ROBO1: variants seen among roughly 807,000 people sequenced by gnomAD.
ROBO1 encodes the protein roundabout homolog 1.
Under a neutral mutation model 195.9 loss-of-function variants are expected in ROBO1, and 149 were observed. The ratio of observed to expected loss-of-function variants is 0.76; its 90% confidence interval spans 0.67 to 0.87. The LOEUF (loss-of-function observed/expected upper bound fraction) is 0.87. ROBO1 is among the 40% of genes least tolerant of loss of function. The probability of loss-of-function intolerance (pLI) is 0.00; values close to 1 mark genes in which losing one functional copy is unlikely to be tolerated. For missense variants in ROBO1, 1,933 were observed against 2,068.3 expected (o/e 0.93, Z 1.27); for synonymous variants, 816 against 733.2 (o/e 1.11, Z -1.82).
At chr3:79,493,062 G>C (rs1342991822) in intron 2 of ROBO1, among the ~76,000 whole-genome samples, 1 of 151,632 alleles carries the variant, frequency 6.6e-6, no homozygotes, top group Non-Finnish European at 1.5e-5. Flanking sequence ...AAAATATATT[G>C]GAAAACAAAA....
At chr3:79,431,608 T>G (rs2107034419) in intron 2 of ROBO1, among the ~76,000 whole-genome samples, 1 of 152,276 alleles carries the variant, frequency 6.6e-6, no homozygotes, top group South Asian at 2.1e-4. Context: ...ACAAATCATT[T>G]ACTAGGCAAT....
At chr3:78,897,466 C>T (rs999768413) in intron 4 of ROBO1, among the ~76,000 whole-genome samples, 2 of 152,058 alleles carry the variant, frequency 1.3e-5, no homozygotes, top group Non-Finnish European at 2.9e-5. Flanking sequence ...CTTTGTCATT[C>T]GGTAGATATG....
intron 4 of ROBO1, among the ~76,000 whole-genome samples, chr3:78,829,739 A>G (rs941603903): frequency 4.6e-5 from 7 of 152,212 alleles, no homozygotes; most frequent in African/African-American, 1.7e-4. Flanking sequence ...AAAGCGTTGT[A>G]GATAAGAGTT....
At chr3:78,643,367 A>G (rs9309809) in intron 21 of ROBO1, among the ~76,000 whole-genome samples, 4,566 of 152,270 alleles carry the variant, frequency 0.03, 239 homozygotes, top group African/African-American at 0.1. Context: ...GACATAAACA[A>G]AAGATAACCG....
At position 79,169,353 on chromosome 3, in the gene ROBO1, G is replaced by A. The variant is rs561676597; in HGVS notation, c.89-43814C>T. Among the ~76,000 whole-genome samples, 6 of 152,076 alleles carry A rather than the reference G, an allele frequency of 3.9e-5. No individual in the cohort carries two copies. The South Asian group carries it at 1.0e-3, about 26-fold the overall frequency. On this transcript the variant is annotated intron_variant, in intron 2 of 30. Coordinates refer to ENST00000464233, the MANE Select transcript of ROBO1 (RefSeq NM_002941.4). ...TTGTCGTTTTTTTCTTTTGCTTGCC[G>A]CACAGGCATATCATAGCCAATAAAT... is the stretch of plus-strand genomic sequence containing the variant.
intron 2 of ROBO1, among the ~76,000 whole-genome samples, chr3:79,377,926 A>G (rs1174806231): frequency 6.6e-6 from 1 of 152,200 alleles, no homozygotes; most frequent in Non-Finnish European, 1.5e-5. Context: ...AATTAAGCAG[A>G]TGAGCAGACT....
chr3:79,198,610 T>C (rs193041794), intron 2 of ROBO1, among the ~76,000 whole-genome samples: 1 of 152,200 alleles, frequency 6.6e-6, no homozygotes, highest in Admixed American at 6.5e-5. Flanking sequence ...TAGCATTGAA[T>C]CTATAAATTA....
intron 3 of ROBO1, among the ~76,000 whole-genome samples, chr3:78,964,756 A>G (rs2041585673): frequency 6.6e-6 from 1 of 152,008 alleles, no homozygotes; most frequent in African/African-American, 2.4e-5. Context: ...ACTTAGTCCA[A>G]TGGCTCAGAG....
At chr3:78,910,198 TTA>T (rs2038162724) in intron 4 of ROBO1, among the ~76,000 whole-genome samples, 1 of 151,504 alleles carries the variant, frequency 6.6e-6, no homozygotes, top group Admixed American at 6.6e-5. Context: ...ATACTTAGCA[TTA>T]TATGTTTCTT....
chr3:79,373,536 C>T (rs1277446236), intron 2 of ROBO1, among the ~76,000 whole-genome samples: 2 of 152,150 alleles, frequency 1.3e-5, no homozygotes, highest in Non-Finnish European at 2.9e-5. Context: ...TCCTCAGATA[C>T]ACACAGAAAA....
At position 79,056,149 on chromosome 3, in the gene ROBO1, A is replaced by G. The variant is rs147426014; in HGVS notation, c.172+69307T>C. Among the ~76,000 whole-genome samples, 97 of 152,198 alleles carry G rather than the reference A, an allele frequency of 6.4e-4. No individual in the cohort carries two copies. The East Asian group carries it at 9.1e-3, about 14-fold the overall frequency. On this transcript the variant is annotated intron_variant, in intron 3 of 30. Coordinates refer to ENST00000464233, the MANE Select transcript of ROBO1 (RefSeq NM_002941.4). ...GATTGTTTTTTTCATCTTGCTCTAC[A>G]TAAATCGGACTGTGAAAAATCTGTT...
intron 4 of ROBO1, among the ~76,000 whole-genome samples, chr3:78,750,076 G>T (rs1398429688): frequency 6.6e-6 from 1 of 152,028 alleles, no homozygotes; most frequent in Non-Finnish European, 1.5e-5. Flanking sequence ...TAACTCAACA[G>T]CATTTCATTT....
At chr3:78,933,484 T>C (rs944881811) in intron 4 of ROBO1, among the ~76,000 whole-genome samples, 9 of 152,120 alleles carry the variant, frequency 5.9e-5, no homozygotes, top group African/African-American at 2.2e-4. Context: ...AATGTGCCTA[T>C]ACCTCACTTA....
intron 4 of ROBO1, among the ~76,000 whole-genome samples, chr3:78,853,350 G>A (rs756178286): frequency 6.6e-6 from 1 of 150,662 alleles, no homozygotes; most frequent in Non-Finnish European, 1.5e-5. Flanking sequence ...GAGAAAATAT[G>A]TAATTTTTGT....
At chr3:78,723,911 T>G (rs1029199413) in intron 5 of ROBO1, among the ~76,000 whole-genome samples, 1 of 152,186 alleles carries the variant, frequency 6.6e-6, no homozygotes, top group African/African-American at 2.4e-5. Context: ...CCCAGATTCG[T>G]ATACTCTCCC....
intron 10 of ROBO1, among the ~76,000 whole-genome samples, chr3:78,676,551 G>A (rs567919646): frequency 4.9e-4 from 74 of 152,282 alleles, no homozygotes; most frequent in African/African-American, 1.5e-3. Flanking sequence ...GAGCCGATGC[G>A]ATCAACTGGA....
chr3:78,683,590 G>A (rs1256573151), intron 10 of ROBO1, among the ~76,000 whole-genome samples: 1 of 151,930 alleles, frequency 6.6e-6, no homozygotes, highest in African/African-American at 2.4e-5. Flanking sequence ...ATTTTGGGTG[G>A]CATAAAATAG....
intron 2 of ROBO1, among the ~76,000 whole-genome samples, chr3:79,340,726 G>A (rs939646642): frequency 6.6e-6 from 1 of 152,100 alleles, no homozygotes; most frequent in South Asian, 2.1e-4. Flanking sequence ...TTTTAAAAAA[G>A]CCAGCTCTTA....
At chr3:79,115,058 A>C (rs762494019) in intron 3 of ROBO1, among the ~76,000 whole-genome samples, 2 of 152,180 alleles carry the variant, frequency 1.3e-5, no homozygotes, top group Admixed American at 6.5e-5. Flanking sequence ...TCCATCTTCT[A>C]TCTTGTGACT....
Sources: allele counts gnomAD v4.1 joint callset (sites outside exome capture counted in the v4.1 genomes callset), GRCh38; gene constraint gnomAD v4.1.1; transcripts MANE v1.5; gene names NCBI Gene and HGNC (gene_info 2026-07-23, HGNC 2026-07-21).